Variants in CCDC39 observed in about 807,000 individuals in gnomAD.
CCDC39 encodes coiled-coil domain 39 molecular ruler complex subunit, also known as coiled-coil domain-containing protein 39.
In CCDC39, 113 loss-of-function variants were observed where a neutral mutation model predicts 121.0. The ratio of observed to expected loss-of-function variants is 0.93; its 90% CI spans 0.80 to 1.09. The LOEUF is 1.09. Ranked by LOEUF, CCDC39 falls within the 50% of genes least tolerant of loss-of-function variation. The pLI, the probability that CCDC39 is intolerant of heterozygous loss-of-function variation, is 0.00. For missense variants in CCDC39, 1,063 were observed against 1,074.7 expected (o/e 0.99, Z 0.15); for synonymous variants, 349 against 352.2 (o/e 0.99, Z 0.10).
intron 3 of CCDC39, 83 bp from the exon 4 acceptor site, chr3:180,660,811 A>G: frequency 2.5e-6 from 3 of 1,214,672 alleles, no homozygotes; most frequent in Non-Finnish European, 1.1e-6. Flanking sequence ...ACCTTTATAT[A>G]CTATGGAGCA....
chr3:180,670,422 G>T (rs553463710), intron 1 of CCDC39, among the ~76,000 whole-genome samples: 1 of 151,948 alleles, frequency 6.6e-6, no homozygotes, highest in Non-Finnish European at 1.5e-5. Context: ...AAGAAGAAAA[G>T]AAAGGTCTTT....
rs1717262898 is a variant in CCDC39, at chr3:180,616,820, CGAT to C, written c.2406+3_2406+5del. On this transcript the variant is annotated splice_donor_5th_base_variant and intron_variant, in intron 17 of 19. Coordinates refer to ENST00000476379, the MANE Select transcript of CCDC39 (RefSeq NM_181426.2). The stretch of plus-strand genomic sequence containing the variant: ...TGAAAGGTCAGTTTTTAAAAGATAT[CGAT>C]ACCTGTTTGGTCACTCTTTCTAATT... The C allele has an allele frequency of 2.5e-6, 4 of 1,608,984 alleles. No homozygotes were observed. In the East Asian group the frequency reaches 8.9e-5, roughly 36 times the overall value.
intron 1 of CCDC39, among the ~76,000 whole-genome samples, chr3:180,668,754 G>T: frequency 6.6e-6 from 1 of 151,926 alleles, no homozygotes; most frequent in East Asian, 1.9e-4. Context: ...AAGCTTAATA[G>T]CAAGAAGCAT....
rs772023939 is a variant in CCDC39 at position 180,663,949 on chromosome 3, T to C, written c.128A>G (p.Asp43Gly). The C allele has an allele frequency of 2.5e-6, 4 of 1,612,000 alleles. No homozygotes were observed. In the South Asian group the frequency reaches 4.4e-5, roughly 18 times the overall value. Residue 43 changes from aspartate to glycine, a missense_variant, in exon 2 of 20, where the codon GAT (aspartate) becomes GGT (glycine). Coordinates refer to ENST00000476379, the MANE Select transcript of CCDC39 (RefSeq NM_181426.2). ...KLKDERASLQDELREYEERIN... is the reference protein window; with the variant it reads ...KLKDERASLQGELREYEERIN... ...TCGCTCTTCATACTCACGTAACTCA[T>C]CTTGCAAGCTTGCTCTTTCATCCTT...
Position 180,679,174 on chromosome 3 carries a change from G to C in CCDC39, c.90+117C>G. 7.5e-6 allele frequency: 6 copies of C among 799,602 alleles called. No homozygotes were observed. The highest frequency in any genetic ancestry group is 1.4e-5 in the Non-Finnish European group (6 of 443,156). 49.5% of individuals were successfully genotyped at this position (799,602 alleles called of 1,614,324 possible). On this transcript the variant is annotated intron_variant, in intron 1 of 19. Coordinates refer to ENST00000476379, the MANE Select transcript of CCDC39 (RefSeq NM_181426.2). The surrounding 1 kb of genome is among the most constrained non-coding windows in gnomAD (Gnocchi z 4.0). The stretch of plus-strand genomic sequence containing the variant: ...AGGGCGATGGTGCGGGGGAGTGTTA[G>C]AGGAAGCACAGGATTAGGAAAGGAG...
At position 180,614,932 on chromosome 3, in the gene CCDC39, T is replaced by C. The variant is rs1199184536; in HGVS notation, c.2815A>G (p.Ser939Gly). ...SSSSNVKSKK[S>G]SK ...AGAGATTAAAATGTTTATTTGCTGC[T>C]CTTTTTGCTCTTAACATTACTAGAG... The change falls in exon 20 of 20, where the codon AGC (serine) becomes GGC (glycine). Residue 939 changes from serine (S) to glycine (G), a missense_variant. Ser to Gly is a moderately conservative substitution (Grantham distance 56). Coordinates refer to ENST00000476379, the MANE Select transcript of CCDC39 (RefSeq NM_181426.2). The C allele has an allele frequency of 6.4e-7, 1 of 1,561,682 alleles. No homozygotes were observed.
chr3:180,664,635 A>G (rs1430491163), intron 1 of CCDC39, among the ~76,000 whole-genome samples: 3 of 152,088 alleles, frequency 2.0e-5, no homozygotes, highest in African/African-American at 4.8e-5. Context: ...TTTTTCATAC[A>G]GCAATACTAT....
chr3:180,658,100 G>A (rs147888661), intron 6 of CCDC39, among the ~76,000 whole-genome samples: 2,529 of 151,928 alleles, frequency 0.017, 50 homozygotes, highest in African/African-American at 0.045. Flanking sequence ...TTAGCTGGGC[G>A]TGGTGGCGGG....
chr3:180,667,462 G>A (rs1311120235), intron 1 of CCDC39, among the ~76,000 whole-genome samples: 1 of 151,890 alleles, frequency 6.6e-6, no homozygotes, highest in Non-Finnish European at 1.5e-5. Context: ...TCACATTCTG[G>A]TACCTCTTGC....
At chr3:180,651,857 G>GA (rs1273532739) in intron 8 of CCDC39, among the ~76,000 whole-genome samples, 6 of 152,142 alleles carry the variant, frequency 3.9e-5, no homozygotes, top group Non-Finnish European at 8.8e-5. Flanking sequence ...CTAACACGGT[G>GA]AAACCCCGTC....
At chr3:180,628,936 T>A (rs894479417) in intron 14 of CCDC39, among the ~76,000 whole-genome samples, 2 of 152,242 alleles carry the variant, frequency 1.3e-5, no homozygotes, top group South Asian at 4.1e-4. Flanking sequence ...AGGGAAAAAA[T>A]TTTGAACTGA....
chr3:180,631,686 G>C, intron 13 of CCDC39, 94 bp from the exon 14 acceptor site: 1 of 1,046,428 alleles, frequency 9.6e-7, no homozygotes, highest in Non-Finnish European at 1.4e-6. Context: ...TTGGATTTGT[G>C]TTACTACTAA....
At chr3:180,623,890 G>A (rs1717492954) in intron 14 of CCDC39, among the ~76,000 whole-genome samples, 2 of 151,848 alleles carry the variant, frequency 1.3e-5, no homozygotes, top group Admixed American at 6.6e-5. Flanking sequence ...CTTATGAAAA[G>A]AAGGTATATT....
intron 1 of CCDC39, among the ~76,000 whole-genome samples, chr3:180,677,255 T>C (rs1366942562): frequency 7.8e-6 from 1 of 127,462 alleles, no homozygotes; most frequent in East Asian, 2.4e-4. Context: ...AACAATCATT[T>C]GAGGATAAAA....
At chr3:180,676,523 G>A (rs199609298) in intron 1 of CCDC39, among the ~76,000 whole-genome samples, 5,549 of 81,252 alleles carry the variant, frequency 0.068, no homozygotes, top group East Asian at 0.11. Context: ...GGAGAAATAG[G>A]AACACTTTTA....
chr3:180,631,996 G>A (rs890000661), intron 13 of CCDC39, among the ~76,000 whole-genome samples: 2 of 152,076 alleles, frequency 1.3e-5, no homozygotes, highest in East Asian at 1.9e-4. Context: ...TGTTTGACTG[G>A]CTCCCCTTGC....
Position 180,668,218 on chromosome 3 carries a change from A to C in CCDC39, c.91-4232T>G, listed in dbSNP as rs190823642. ...CATGGCAAAACCCATCTCTACTAAA[A>C]ATAAAAAAAAATTAGCCGGGTATGG... On this transcript the variant is annotated intron_variant, in intron 1 of 19. Coordinates refer to ENST00000476379, the MANE Select transcript of CCDC39 (RefSeq NM_181426.2). 6.0e-3 allele frequency among the ~76,000 whole-genome samples: 921 copies of C among 152,262 alleles called. 6 individuals are homozygous for C. Among genetic ancestry groups the C allele is most frequent in the Non-Finnish European group, 9.6e-3 (650 of 68,026 alleles).
rs533574587 is a variant in CCDC39 at position 180,630,207 on chromosome 3, A to T, written c.1998+1262T>A. Among the ~76,000 whole-genome samples, 16 of 152,254 alleles carry T rather than the reference A, an allele frequency of 1.1e-4. 1 individual carries two copies. Among genetic ancestry groups the T allele is most frequent in the Admixed American group, 9.2e-4 (14 of 15,292 alleles). On this transcript the variant is annotated intron_variant, in intron 14 of 19. Coordinates refer to ENST00000476379, the MANE Select transcript of CCDC39 (RefSeq NM_181426.2). ...AGAGAAACTTAATTGGAATTGCAAC[A>T]TCTTCCGATTTCCCAATACCTAAAA...
At chr3:180,630,450 G>T (rs1039694237) in intron 14 of CCDC39, among the ~76,000 whole-genome samples, 1 of 152,074 alleles carries the variant, frequency 6.6e-6, no homozygotes, top group Non-Finnish European at 1.5e-5. Flanking sequence ...AGAGCTACAG[G>T]AGAAAATTTG....
Sources: allele counts gnomAD v4.1 joint callset (sites outside exome capture counted in the v4.1 genomes callset), GRCh38; gene constraint gnomAD v4.1.1; non-coding constraint Gnocchi (gnomAD v3.1); transcripts MANE v1.5; gene names NCBI Gene and HGNC (gene_info 2026-07-23, HGNC 2026-07-21).